Variants in TNRC6B observed in about 807,000 individuals in gnomAD.
TNRC6B encodes the protein trinucleotide repeat containing adaptor 6B.
Under a neutral mutation model 203.6 loss-of-function variants are expected in TNRC6B, and 52 were observed. The observed-to-expected ratio is 0.26, with a 90% confidence interval of 0.20 to 0.32. TNRC6B has a LOEUF of 0.32. TNRC6B is among the 10% of genes least tolerant of loss of function. The pLI, the probability that TNRC6B is intolerant of heterozygous loss-of-function variation, is 1.00. For missense variants in TNRC6B, 1,923 were observed against 2,286.2 expected, an observed-to-expected ratio of 0.84 and a Z score of 3.24; for synonymous variants, 838 against 845.7, an observed-to-expected ratio of 0.99 and a Z score of 0.16.
chr22:40,334,585 A>G lies in TNRC6B; in HGVS notation c.*11344A>G, dbSNP rs1027533485. On this transcript the variant is annotated 3_prime_UTR_variant, in exon 23 of 23. Transcript: ENST00000454349. The stretch of plus-strand genomic sequence containing the variant: ...TTTCTGGACTATTTTATCTGTCTCC[A>G]TTTAGATGGAGATATAAATGCTGCT... The G allele has an allele frequency of 1.3e-5, 2 of 152,574 alleles. No homozygotes were observed. The highest frequency in any genetic ancestry group is 6.5e-5 in the Admixed American group (1 of 15,280). The allele number at this position is 152,574 out of a possible 1,614,324, so 9.5% of individuals were successfully genotyped here.
intron 2 of TNRC6B, among the ~76,000 whole-genome samples, chr22:40,122,737 G>A (rs990196025): frequency 1.3e-5 from 2 of 152,210 alleles, no homozygotes; most frequent in African/African-American, 2.4e-5. Flanking sequence ...ATCGGACCCT[G>A]AAAGAATAAG....
In TNRC6B at chr22:40,310,799, T is replaced by C. The variant is rs775329497; in HGVS notation, c.4259-18T>C. ...ATAGGAGTTATTCTGGATGATTTAA[T>C]TTCCTCTCTTTTCTCAGGCGCTATA... On this transcript the variant is annotated intron_variant, in intron 16 of 22. Transcript: ENST00000454349. 8 of 1,598,794 alleles carry C rather than the reference T, an allele frequency of 5.0e-6. No homozygotes were observed. The South Asian group carries it at 9.0e-5, about 18-fold the overall frequency.
rs2071465952 is a variant in TNRC6B, at chr22:40,331,563, C to T, written c.*8322C>T. On this transcript the variant is annotated 3_prime_UTR_variant, in exon 23 of 23. Coordinates refer to ENST00000454349, the MANE Select transcript of TNRC6B (RefSeq NM_001162501.2). ...GGAGAGATGCTGCTTCTGCGCTTTG[C>T]TCTCATTCCTCTCTCATGGCCTTGA... is the stretch of plus-strand genomic sequence containing the variant. 2.7e-6 allele frequency: 1 copy of T among 371,356 alleles called. No individual in the cohort carries two copies. Among genetic ancestry groups the T allele is most frequent in the Non-Finnish European group, 4.8e-6 (1 of 208,002 alleles). 23.0% of individuals were successfully genotyped at this position (371,356 alleles called of 1,614,324 possible).
intron 1 of TNRC6B, among the ~76,000 whole-genome samples, chr22:40,062,274 C>G (rs2067859869): frequency 6.6e-6 from 1 of 152,164 alleles, no homozygotes; most frequent in Non-Finnish European, 1.5e-5. Context: ...GATCTGGGCT[C>G]ACTGCAACCT....
At chr22:40,187,920 A>G (rs1448537363) in intron 1 of TNRC6B, among the ~76,000 whole-genome samples, 1 of 152,232 alleles carries the variant, frequency 6.6e-6, no homozygotes, top group Non-Finnish European at 1.5e-5. Flanking sequence ...CAGTAAAGAT[A>G]GAAAGGATCT....
At chr22:40,058,547 T>G (rs1386567570) in intron 1 of TNRC6B, among the ~76,000 whole-genome samples, 1 of 152,242 alleles carries the variant, frequency 6.6e-6, no homozygotes, top group Non-Finnish European at 1.5e-5. Context: ...CTAGACTGAC[T>G]GACTGTACTG....
At chr22:40,321,042 T>C in intron 21 of TNRC6B, 48 bp from the exon 22 acceptor site, 1 of 1,605,820 alleles carries the variant, frequency 6.2e-7, no homozygotes, top group Non-Finnish European at 8.5e-7. Flanking sequence ...AATGTACCTT[T>C]TCCACCCCAC....
At chr22:40,240,547 C>T (rs113309778) in intron 1 of TNRC6B, among the ~76,000 whole-genome samples, 1 of 152,150 alleles carries the variant, frequency 6.6e-6, no homozygotes, top group Non-Finnish European at 1.5e-5. Flanking sequence ...GCTGGGTGCA[C>T]CTATAAACTA....
At chr22:40,095,424 A>T (rs963109341) in intron 1 of TNRC6B, among the ~76,000 whole-genome samples, 2 of 152,148 alleles carry the variant, frequency 1.3e-5, no homozygotes, top group African/African-American at 4.8e-5. Context: ...TCATCTAATG[A>T]TTGACCAGAG....
chr22:40,154,856 AAAAAATATATATATATATAT>A (rs1360575256), intron 3 of TNRC6B, among the ~76,000 whole-genome samples: 4 of 41,478 alleles, frequency 9.6e-5, no homozygotes, highest in East Asian at 4.3e-4. Flanking sequence ...AAAAAAAAAA[AAAAAATATATATATATATAT>A]ATATATATAT....
intron 1 of TNRC6B, among the ~76,000 whole-genome samples, chr22:40,103,885 T>C (rs1218360290): frequency 1.3e-5 from 2 of 151,132 alleles, no homozygotes; most frequent in Non-Finnish European, 3.0e-5. Context: ...TCACGTGATC[T>C]GCCCACCTTG....
intron 1 of TNRC6B, among the ~76,000 whole-genome samples, chr22:40,053,062 T>C (rs2067763661): frequency 6.6e-6 from 1 of 152,076 alleles, no homozygotes. Context: ...CGATTTGTGC[T>C]TTCTTTTTCC....
intron 3 of TNRC6B, among the ~76,000 whole-genome samples, chr22:40,129,280 T>C (rs1445563969): frequency 6.6e-6 from 1 of 152,176 alleles, no homozygotes; most frequent in Admixed American, 6.5e-5. Context: ...GGGCAGCCAT[T>C]GAAGGCTGTT....
intron 1 of TNRC6B, among the ~76,000 whole-genome samples, chr22:40,116,887 T>C (rs1228972816): frequency 6.6e-6 from 1 of 152,190 alleles, no homozygotes; most frequent in East Asian, 1.9e-4. Context: ...GTTGTTATTG[T>C]TCCCAGTGTT....
chr22:40,102,220 GA>G (rs1414293966), intron 1 of TNRC6B, among the ~76,000 whole-genome samples: 3 of 152,142 alleles, frequency 2.0e-5, no homozygotes, highest in Admixed American at 1.3e-4. Context: ...CAAAAACAAG[GA>G]GGGAGATATT....
At chr22:40,311,052 G>C in intron 17 of TNRC6B, 59 bp downstream of exon 17, 1 of 1,514,386 alleles carries the variant, frequency 6.6e-7, no homozygotes. Context: ...GTCAGTTTCA[G>C]GTTCAGAATA....
chr22:40,100,730 G>T (rs956258314), intron 1 of TNRC6B, among the ~76,000 whole-genome samples: 8 of 152,242 alleles, frequency 5.3e-5, no homozygotes, highest in South Asian at 2.1e-4. Context: ...ATGGATTTTG[G>T]TATACACCAA....
At chr22:40,046,788 G>A (rs2067691788) in intron 1 of TNRC6B, among the ~76,000 whole-genome samples, 1 of 151,858 alleles carries the variant, frequency 6.6e-6, no homozygotes, top group East Asian at 1.9e-4. Flanking sequence ...GGGACTACAG[G>A]CGCCCGCCAC....
chr22:40,282,437 G>A (rs1048150718), intron 11 of TNRC6B, among the ~76,000 whole-genome samples: 1 of 152,132 alleles, frequency 6.6e-6, no homozygotes, highest in African/African-American at 2.4e-5. Context: ...AGAGGACATG[G>A]ATATATACTG....
Sources: allele counts gnomAD v4.1 joint callset (sites outside exome capture counted in the v4.1 genomes callset), GRCh38; gene constraint gnomAD v4.1.1; transcripts MANE v1.5; gene names NCBI Gene and HGNC (gene_info 2026-07-23, HGNC 2026-07-21).